Variants in ANKRD17 observed in about 807,000 individuals in gnomAD.
ANKRD17 encodes the protein ankyrin repeat domain-containing protein 17.
A neutral mutation model predicts 229.7 loss-of-function variants in ANKRD17; 19 were observed. The observed-to-expected ratio is 0.08, with a 90% CI of 0.06 to 0.12. ANKRD17 has a LOEUF of 0.12. Among genes scored for constraint, ANKRD17 ranks in the 10% least tolerant of loss-of-function variants. The pLI is 1.00. For synonymous variants in ANKRD17, 1,112 were observed against 1,146.1 expected, an observed-to-expected ratio of 0.97 and a Z score of 0.60; for missense variants, 2,176 against 3,176.8, an observed-to-expected ratio of 0.68 and a Z score of 7.57.
chr4:73,111,684 T>G (rs1441000245), intron 24 of ANKRD17, among the ~76,000 whole-genome samples: 4 of 152,232 alleles, frequency 2.6e-5, no homozygotes, highest in Non-Finnish European at 4.4e-5. Flanking sequence ...TATTATGGAC[T>G]ATTCTGCAGT....
At chr4:73,080,105 T>A (rs67424539) in intron 30 of ANKRD17, among the ~76,000 whole-genome samples, 53,863 of 151,552 alleles carry the variant, frequency 0.36, 10,139 homozygotes, top group South Asian at 0.46. Flanking sequence ...GATGACTCCA[T>A]CCCCCCTCCC....
At chr4:73,101,411 C>T (rs893313125) in intron 25 of ANKRD17, among the ~76,000 whole-genome samples, 6 of 151,974 alleles carry the variant, frequency 3.9e-5, no homozygotes, top group African/African-American at 1.2e-4. Context: ...TGCCTGTAAT[C>T]CCAGTACTTT....
intron 1 of ANKRD17, among the ~76,000 whole-genome samples, chr4:73,231,250 A>T (rs887342117): frequency 6.6e-6 from 1 of 152,220 alleles, no homozygotes; most frequent in Non-Finnish European, 1.5e-5. Context: ...GGTTTCTACC[A>T]CTCTGGGGGA....
At chr4:73,099,449 C>A (rs1329694680) in intron 25 of ANKRD17, among the ~76,000 whole-genome samples, 2 of 152,220 alleles carry the variant, frequency 1.3e-5, no homozygotes, top group Non-Finnish European at 2.9e-5. Context: ...TAGCCACACC[C>A]TGCACATGCT....
chr4:73,085,119 T>C, intron 30 of ANKRD17, 130 bp downstream of exon 30: 2 of 981,594 alleles, frequency 2.0e-6, no homozygotes, highest in Non-Finnish European at 3.0e-6. Context: ...TAGAAATTTT[T>C]TTGAAATTCC....
At chr4:73,196,304 T>C (rs924944407) in intron 1 of ANKRD17, among the ~76,000 whole-genome samples, 1 of 152,184 alleles carries the variant, frequency 6.6e-6, no homozygotes, top group Non-Finnish European at 1.5e-5. Flanking sequence ...GGCCTTAGTT[T>C]CTGTTGCTTT....
At position 73,258,631 on chromosome 4, in the gene ANKRD17, G is replaced by A; in HGVS notation, c.38C>T (p.Ala13Val). 6.7e-7 allele frequency: 1 copy of A among 1,488,222 alleles called. No homozygotes were observed. Among genetic ancestry groups the A allele is most frequent in the Middle Eastern group, 2.4e-4 (1 of 4,192 alleles). 92.2% of individuals were successfully genotyped at this position (1,488,222 alleles called of 1,614,324 possible). ...CGGGGGGCTCCCTTCTCCTTCTGCA[G>A]CCGTCGCCGCCGCCACCGGAACCGT... ...KATVPVAAAT[A>V]AEGEGSPPAV... Residue 13 changes from alanine to valine, a missense_variant, in exon 1 of 34, where the codon GCT (alanine) becomes GTT (valine). By Grantham distance (64) the Ala-to-Val change is moderately conservative. Transcript: ENST00000358602.
chr4:73,195,188 T>C (rs1430604804), intron 1 of ANKRD17, among the ~76,000 whole-genome samples: 1 of 152,160 alleles, frequency 6.6e-6, no homozygotes, highest in Non-Finnish European at 1.5e-5. Context: ...CGTTAAACAA[T>C]TTAAACCAAC....
chr4:73,187,879 C>A (rs183175437), intron 1 of ANKRD17, among the ~76,000 whole-genome samples: 3 of 152,270 alleles, frequency 2.0e-5, no homozygotes. Flanking sequence ...TAGGGCAGTG[C>A]TCCCCAACCT....
At chr4:73,096,423 C>G (rs1034933542) in intron 27 of ANKRD17, among the ~76,000 whole-genome samples, 2 of 152,086 alleles carry the variant, frequency 1.3e-5, no homozygotes, top group African/African-American at 4.8e-5. Flanking sequence ...ATGACGGGGA[C>G]AAGATTTGGT....
At chr4:73,232,620 T>C (rs1415182060) in intron 1 of ANKRD17, among the ~76,000 whole-genome samples, 1 of 152,208 alleles carries the variant, frequency 6.6e-6, no homozygotes, top group East Asian at 1.9e-4. Flanking sequence ...GTCTTCTATT[T>C]GTACCTCAGA....
chr4:73,165,261 C>T (rs564609683), intron 2 of ANKRD17, among the ~76,000 whole-genome samples: 50 of 152,260 alleles, frequency 3.3e-4, no homozygotes, highest in African/African-American at 1.2e-3. Context: ...AAAAGGGAGA[C>T]CAGCTGAACA....
chr4:73,250,446 C>A (rs1367032592), intron 1 of ANKRD17, among the ~76,000 whole-genome samples: 1 of 151,438 alleles, frequency 6.6e-6, no homozygotes, highest in African/African-American at 2.4e-5. Flanking sequence ...AATAAAAATA[C>A]AAAACAATTA....
intron 1 of ANKRD17, among the ~76,000 whole-genome samples, chr4:73,253,020 A>G (rs935350463): frequency 1.3e-5 from 2 of 152,232 alleles, no homozygotes; most frequent in African/African-American, 2.4e-5. Flanking sequence ...ACCATACAGC[A>G]TAACAGAGCA....
At chr4:73,203,970 T>C (rs1220104705) in intron 1 of ANKRD17, among the ~76,000 whole-genome samples, 3 of 151,988 alleles carry the variant, frequency 2.0e-5, no homozygotes, top group African/African-American at 7.2e-5. Context: ...AAAACCATCA[T>C]GTGCACAGAA....
intron 1 of ANKRD17, among the ~76,000 whole-genome samples, chr4:73,217,603 C>A (rs2149191219): frequency 6.6e-6 from 1 of 152,108 alleles, no homozygotes; most frequent in Middle Eastern, 3.4e-3. Context: ...CTCAAGCGAT[C>A]CTCTTGCTTC....
At chr4:73,076,595 C>A (rs1285857693) in intron 33 of ANKRD17, among the ~76,000 whole-genome samples, 1 of 152,152 alleles carries the variant, frequency 6.6e-6, no homozygotes, top group East Asian at 1.9e-4. Context: ...TATGTGAATT[C>A]TCAGAGTTAT....
chr4:73,146,497 A>G (rs577102879), intron 10 of ANKRD17, among the ~76,000 whole-genome samples: 13 of 152,254 alleles, frequency 8.5e-5, no homozygotes, highest in African/African-American at 2.9e-4. Flanking sequence ...TATCTAAGGG[A>G]AAACCAGTCT....
At chr4:73,206,031 A>G (rs1051696635) in intron 1 of ANKRD17, among the ~76,000 whole-genome samples, 2 of 152,224 alleles carry the variant, frequency 1.3e-5, no homozygotes, top group African/African-American at 4.8e-5. Flanking sequence ...AACCACAGTG[A>G]GACACTACCA....
Sources: allele counts gnomAD v4.1 joint callset (sites outside exome capture counted in the v4.1 genomes callset), GRCh38; gene constraint gnomAD v4.1.1; transcripts MANE v1.5; gene names NCBI Gene and HGNC (gene_info 2026-07-23, HGNC 2026-07-21).